The following PDE4B variants were observed in gnomAD, a reference collection of about 807,000 sequenced individuals.
PDE4B encodes phosphodiesterase 4B.
PDE4B carries 20 observed loss-of-function variants against 82.2 expected under a neutral mutation model. That is an observed-to-expected ratio of 0.24 (90% CI 0.17 to 0.35). The LOEUF (loss-of-function observed/expected upper bound fraction) is 0.35, where lower values mean the gene tolerates loss of function less well. PDE4B is among the 10% of genes least tolerant of loss of function. The pLI is 1.00. For synonymous variants in PDE4B, 320 were observed against 318.9 expected, an observed-to-expected ratio of 1.00 and a Z score of -0.04; for missense variants, 655 against 907.2, an observed-to-expected ratio of 0.72 and a Z score of 3.57.
chr1:66,353,500 C>G (rs936282840), intron 8 of PDE4B, among the ~76,000 whole-genome samples: 2 of 152,176 alleles, frequency 1.3e-5, no homozygotes, highest in Admixed American at 6.6e-5. Context: ...GAAAAAGAGC[C>G]AATTGCAAGT....
At chr1:66,116,168 T>A (rs1209336225) in intron 3 of PDE4B, among the ~76,000 whole-genome samples, 2 of 151,410 alleles carry the variant, frequency 1.3e-5, no homozygotes, top group African/African-American at 2.4e-5. Flanking sequence ...TGCATGGGCA[T>A]GCCCGGATTT....
chr1:66,366,939 C>G (rs1663298420), intron 13 of PDE4B, among the ~76,000 whole-genome samples: 1 of 152,208 alleles, frequency 6.6e-6, no homozygotes, highest in Non-Finnish European at 1.5e-5. Flanking sequence ...ATTACCACCA[C>G]TTGTCTGGTA....
chr1:66,075,929 A>G (rs1177159591), intron 3 of PDE4B, among the ~76,000 whole-genome samples: 1 of 3,982 alleles, frequency 2.5e-4, no homozygotes, highest in Non-Finnish European at 9.3e-4. Flanking sequence ...CAAAACAAAA[A>G]AAACAAAACA....
At chr1:65,803,400 G>T (rs773163857) in intron 1 of PDE4B, among the ~76,000 whole-genome samples, 13 of 152,182 alleles carry the variant, frequency 8.5e-5, no homozygotes, top group Non-Finnish European at 1.5e-4. Context: ...AGAAGATGAT[G>T]GGTGATCATT....
intron 3 of PDE4B, among the ~76,000 whole-genome samples, chr1:66,132,385 G>A (rs191179274): frequency 1.3e-5 from 2 of 152,226 alleles, no homozygotes; most frequent in East Asian, 3.9e-4. Context: ...TGTAAAATAG[G>A]ATAATAAAAC....
intron 1 of PDE4B, among the ~76,000 whole-genome samples, chr1:65,827,892 A>T (rs1352234419): frequency 6.6e-6 from 1 of 152,190 alleles, no homozygotes; most frequent in Non-Finnish European, 1.5e-5. Flanking sequence ...GAAAGTATTG[A>T]AAGCAGGCAA....
At position 66,257,871 on chromosome 1, in the gene PDE4B, T is replaced by C. The variant is rs1469006312; in HGVS notation, c.584+8T>C. The C allele has an allele frequency of 2.5e-6, 4 of 1,604,610 alleles. No homozygotes were observed. Among genetic ancestry groups the C allele is most frequent in the South Asian group, 2.2e-5 (2 of 90,822 alleles). On this transcript the variant is annotated splice_region_variant and intron_variant, in intron 6 of 16. Transcript: ENST00000341517. ...TCATGGTACATCTAACAAGTAAGGA[T>C]TGACTTTTTTGTGGAGTTTGAATCC...
At chr1:66,339,962 C>T (rs1442683942) in intron 8 of PDE4B, among the ~76,000 whole-genome samples, 4 of 151,816 alleles carry the variant, frequency 2.6e-5, no homozygotes, top group Non-Finnish European at 5.9e-5. Context: ...AGTATTCTTC[C>T]AAAACATTTT....
At chr1:66,236,995 A>AAT (rs1652513902) in intron 3 of PDE4B, among the ~76,000 whole-genome samples, 1 of 152,248 alleles carries the variant, frequency 6.6e-6, no homozygotes, top group Admixed American at 6.5e-5. Flanking sequence ...GAAATGAGGT[A>AAT]ATATATACCA....
intron 1 of PDE4B, among the ~76,000 whole-genome samples, chr1:65,896,829 C>G (rs1646915502): frequency 6.6e-6 from 1 of 152,130 alleles, no homozygotes; most frequent in Non-Finnish European, 1.5e-5. Context: ...CTGTCTGGAT[C>G]CCTGGAGACT....
chr1:65,925,116 A>G (rs1330615202), intron 3 of PDE4B, among the ~76,000 whole-genome samples: 2 of 152,216 alleles, frequency 1.3e-5, no homozygotes, highest in Non-Finnish European at 2.9e-5. Context: ...CCTTTTGCTC[A>G]TTTTAGTAAC....
intron 3 of PDE4B, among the ~76,000 whole-genome samples, chr1:66,202,777 C>G (rs979393004): frequency 2.9e-4 from 44 of 152,222 alleles, no homozygotes; most frequent in African/African-American, 9.9e-4. Context: ...ATACAGCACA[C>G]TGATGGGTCT....
intron 6 of PDE4B, among the ~76,000 whole-genome samples, chr1:66,261,474 A>AG (rs1654675986): frequency 6.6e-6 from 1 of 152,218 alleles, no homozygotes; most frequent in African/African-American, 2.4e-5. Flanking sequence ...CTTCAGATCC[A>AG]GGGTGCCACT....
intron 3 of PDE4B, among the ~76,000 whole-genome samples, chr1:66,015,604 G>T (rs1304756877): frequency 6.6e-6 from 1 of 151,650 alleles, no homozygotes; most frequent in Non-Finnish European, 1.5e-5. Context: ...AAAAAAAACA[G>T]AAAATTAAAG....
intron 1 of PDE4B, among the ~76,000 whole-genome samples, chr1:65,874,656 T>A (rs1646617306): frequency 6.6e-6 from 1 of 151,884 alleles, no homozygotes; most frequent in Non-Finnish European, 1.5e-5. Flanking sequence ...CCTACAACTA[T>A]CTGATCTTTG....
intron 8 of PDE4B, among the ~76,000 whole-genome samples, chr1:66,353,263 C>A (rs1661975055): frequency 6.6e-6 from 1 of 152,114 alleles, no homozygotes; most frequent in Admixed American, 6.6e-5. Context: ...TCATGGGAAA[C>A]ACACACACAT....
chr1:66,063,355 A>G (rs1655680216), intron 3 of PDE4B, among the ~76,000 whole-genome samples: 2 of 151,768 alleles, frequency 1.3e-5, no homozygotes, highest in African/African-American at 4.9e-5. Flanking sequence ...TGAGCCCCCT[A>G]CTTAGGGATT....
intron 1 of PDE4B, among the ~76,000 whole-genome samples, chr1:65,889,708 G>T (rs965913766): frequency 2.6e-5 from 4 of 152,100 alleles, no homozygotes; most frequent in Admixed American, 2.6e-4. Context: ...AATATACTAT[G>T]TGGCTGCTGC....
chr1:66,032,117 T>C (rs1653810561), intron 3 of PDE4B, among the ~76,000 whole-genome samples: 1 of 152,248 alleles, frequency 6.6e-6, no homozygotes, highest in Admixed American at 6.5e-5. Context: ...ACTTCTCTAA[T>C]ATCAGTTTCC....
Sources: gnomAD v4.1 joint callset for allele counts (sites outside exome capture counted in the v4.1 genomes callset) on GRCh38, gnomAD v4.1.1 for gene constraint, MANE v1.5 for transcripts, NCBI Gene and HGNC (gene_info 2026-07-23, HGNC 2026-07-21) for gene names.